Variants in LRP1B observed in about 807,000 individuals in gnomAD.
LRP1B encodes the protein low-density lipoprotein receptor-related protein 1B.
A neutral mutation model predicts 556.6 loss-of-function variants in LRP1B; 217 were observed. The observed-to-expected ratio is 0.39, with a 90% CI of 0.35 to 0.44. The LOEUF is 0.44. Among genes scored for constraint, LRP1B ranks in the 20% least tolerant of loss-of-function variants. The probability of loss-of-function intolerance (pLI) is 1.00; values close to 1 mark genes in which losing one functional copy is unlikely to be tolerated. For synonymous variants in LRP1B, 2,047 were observed against 1,865.8 expected (o/e 1.10, Z -2.50); for missense variants, 5,053 against 5,620.8 (o/e 0.90, Z 3.23).
intron 29 of LRP1B, among the ~76,000 whole-genome samples, chr2:140,842,189 C>A (rs1692130914): frequency 6.6e-6 from 1 of 152,260 alleles, no homozygotes; most frequent in Admixed American, 6.5e-5. Flanking sequence ...TCAAAAGAAG[C>A]CAGAAAGCTA....
At chr2:141,033,678 G>C (rs1485996923) in intron 11 of LRP1B, among the ~76,000 whole-genome samples, 1 of 152,046 alleles carries the variant, frequency 6.6e-6, no homozygotes, top group African/African-American at 2.4e-5. Flanking sequence ...GTCCTTCTAA[G>C]AGGAAGAGGC....
chr2:141,172,064 C>T (rs1447659362), intron 7 of LRP1B, among the ~76,000 whole-genome samples: 2 of 152,088 alleles, frequency 1.3e-5, no homozygotes, highest in Non-Finnish European at 2.9e-5. Context: ...CAAAACACTT[C>T]GTGTTTAGAT....
intron 1 of LRP1B, among the ~76,000 whole-genome samples, chr2:141,911,726 GTTGCCAA>G (rs1479686968): frequency 6.6e-6 from 1 of 152,092 alleles, no homozygotes; most frequent in Non-Finnish European, 1.5e-5. Flanking sequence ...TACACTTTCT[GTTGCCAA>G]TTCCTCTCTC....
chr2:141,744,705 G>T (rs1253857486), intron 2 of LRP1B, among the ~76,000 whole-genome samples: 3 of 152,128 alleles, frequency 2.0e-5, no homozygotes, highest in Non-Finnish European at 2.9e-5. Flanking sequence ...GCCTTATTTA[G>T]TTCGTTTGGT....
At chr2:142,027,230 A>G (rs1703537724) in intron 1 of LRP1B, among the ~76,000 whole-genome samples, 1 of 151,980 alleles carries the variant, frequency 6.6e-6, no homozygotes, top group Non-Finnish European at 1.5e-5. Flanking sequence ...AAATTAAAAA[A>G]ACAAAAACCA....
In LRP1B at chr2:141,499,268, C is replaced by T. The variant is rs548506834; in HGVS notation, c.206-18735G>A. ...ATAACTGTCTTGTGCAATGTCACAGCGGTTATTTTGGGAAGTCAGAATCTA... is the reference window on the plus strand; with the variant it reads ...ATAACTGTCTTGTGCAATGTCACAGTGGTTATTTTGGGAAGTCAGAATCTA... On this transcript the variant is annotated intron_variant, in intron 2 of 90. Coordinates refer to ENST00000389484, the MANE Select transcript of LRP1B (RefSeq NM_018557.3). Among the ~76,000 whole-genome samples, 4 of 152,104 alleles carry T rather than the reference C, an allele frequency of 2.6e-5. No individual in the cohort carries two copies. In the South Asian group the frequency reaches 8.3e-4, roughly 32 times the overall value.
At chr2:141,830,916 A>G (rs550962187) in intron 1 of LRP1B, among the ~76,000 whole-genome samples, 22 of 151,910 alleles carry the variant, frequency 1.4e-4, no homozygotes, top group African/African-American at 5.1e-4. Context: ...AGCTAAGTGC[A>G]TCTTAAAAAT....
Position 141,020,085 on chromosome 2 carries a change from C to T in LRP1B, c.1807G>A (p.Gly603Ser), listed in dbSNP as rs1400932485. 6.3e-7 allele frequency: 1 copy of T among 1,596,204 alleles called. No individual in the cohort carries two copies. The highest frequency in any genetic ancestry group is 1.7e-5 in the Admixed American group (1 of 57,702). The change falls in exon 12 of 91, where the codon GGC (glycine) becomes AGC (serine). Residue 603 changes from glycine to serine, a missense_variant. Around this residue, in one of 5 missense-constraint regions of LRP1B, gnomAD observed 3,619 missense variants for 3,931.9 expected, o/e 0.92. Transcript: ENST00000389484. The part of the protein sequence containing the change: ...ILKDDLDNVE[G>S]IAVDWIGNNL... The stretch of plus-strand genomic sequence containing the variant: ...TTTCCAATCCAGTCCACAGCAATGC[C>T]CTCTACATTATCCAGATCTATAAAA...
chr2:141,468,046 T>C (rs1455903317), intron 3 of LRP1B, among the ~76,000 whole-genome samples: 2 of 151,942 alleles, frequency 1.3e-5, no homozygotes, highest in African/African-American at 4.8e-5. Flanking sequence ...CTAGTAGGGG[T>C]ATGAAACTTA....
intron 3 of LRP1B, among the ~76,000 whole-genome samples, chr2:141,349,433 G>C (rs1409683409): frequency 6.6e-6 from 1 of 152,040 alleles, no homozygotes; most frequent in Non-Finnish European, 1.5e-5. Flanking sequence ...GTTTTGGAAA[G>C]AGATTGTTTT....
intron 1 of LRP1B, among the ~76,000 whole-genome samples, chr2:141,837,615 C>A (rs979891628): frequency 9.9e-5 from 15 of 152,140 alleles, no homozygotes; most frequent in Admixed American, 6.5e-4. Context: ...AATAAGCCTG[C>A]AAGACTGAAA....
chr2:142,127,706 A>G (rs1447664819), intron 1 of LRP1B, among the ~76,000 whole-genome samples: 1 of 151,984 alleles, frequency 6.6e-6, no homozygotes, highest in Non-Finnish European at 1.5e-5. Flanking sequence ...TTTGATATAC[A>G]TTTAATTGCC....
At chr2:141,067,769 C>G (rs571536724) in intron 7 of LRP1B, among the ~76,000 whole-genome samples, 5 of 152,048 alleles carry the variant, frequency 3.3e-5, no homozygotes, top group African/African-American at 1.2e-4. Context: ...TCACTAGGAC[C>G]CTTTCTCTCA....
chr2:141,477,963 CA>C (rs58642133), intron 3 of LRP1B, among the ~76,000 whole-genome samples: 139,842 of 147,496 alleles, frequency 0.95, 66,634 homozygotes, highest in East Asian at 1. Flanking sequence ...CTCCTACTGG[CA>C]AAAAAAAAAA....
intron 2 of LRP1B, among the ~76,000 whole-genome samples, chr2:141,518,674 C>T (rs1272104119): frequency 1.3e-5 from 2 of 152,154 alleles, no homozygotes; most frequent in Non-Finnish European, 2.9e-5. Flanking sequence ...AGAGGCCGGG[C>T]ATGGTGGCTC....
intron 23 of LRP1B, among the ~76,000 whole-genome samples, chr2:140,902,716 TAAC>T (rs1241408351): frequency 1.3e-5 from 2 of 152,186 alleles, no homozygotes; most frequent in East Asian, 3.8e-4. Flanking sequence ...AATCTGATGG[TAAC>T]AATTCAATGG....
intron 3 of LRP1B, among the ~76,000 whole-genome samples, chr2:141,318,490 A>G (rs1687110765): frequency 1.3e-5 from 2 of 152,176 alleles, no homozygotes; most frequent in Admixed American, 1.3e-4. Flanking sequence ...TAAAAGAAGT[A>G]ATAATTCTTC....
rs115120081 is a variant in LRP1B, at chr2:140,716,182, A to G, written c.5894-80T>C. 3,943 of 1,019,800 alleles carry G rather than the reference A, an allele frequency of 3.9e-3. 15 individuals carry two copies. Among genetic ancestry groups the G allele is most frequent in the Admixed American group, 5.1e-3 (216 of 42,646 alleles). The allele number at this position is 1,019,800 out of a possible 1,614,324, so 63.2% of individuals were successfully genotyped here. ...TGTCATGACTAAAATTAAATTTCTGAGCATTCACATAACTATCAAGAAACT... is the reference window on the plus strand; with the variant it reads ...TGTCATGACTAAAATTAAATTTCTGGGCATTCACATAACTATCAAGAAACT... On this transcript the variant is annotated intron_variant, in intron 36 of 90. Transcript: ENST00000389484.
At chr2:142,104,769 A>G (rs1227809997) in intron 1 of LRP1B, among the ~76,000 whole-genome samples, 1 of 152,158 alleles carries the variant, frequency 6.6e-6, no homozygotes, top group Non-Finnish European at 1.5e-5. Flanking sequence ...TCAGCCTTAT[A>G]CTTAACCAAG....
Sources: allele counts gnomAD v4.1 joint callset (sites outside exome capture counted in the v4.1 genomes callset), GRCh38; gene constraint gnomAD v4.1.1; regional missense constraint gnomAD v4.1.1; transcripts MANE v1.5; gene names NCBI Gene and HGNC (gene_info 2026-07-23, HGNC 2026-07-21).